The following NAALAD2 variants were observed in gnomAD, a reference collection of about 807,000 sequenced individuals.
NAALAD2 encodes the protein N-acetylated alpha-linked acidic dipeptidase 2, also known as N-acetylated-alpha-linked acidic dipeptidase 2.
Under a neutral mutation model 95.6 loss-of-function variants are expected in NAALAD2, and 89 were observed. That is an observed-to-expected ratio of 0.93 (90% CI 0.78 to 1.11). NAALAD2 has a LOEUF of 1.11. NAALAD2 is among the 50% of genes least tolerant of loss of function. NAALAD2 has a pLI of 0.00. For synonymous variants in NAALAD2, 264 were observed against 294.4 expected (o/e 0.90, Z 1.06); for missense variants, 894 against 872.4 (o/e 1.02, Z -0.31).
chr11:90,163,497 C>T (rs1191933407), intron 10 of NAALAD2, 38 bp from the exon 11 acceptor site: 1 of 1,612,688 alleles, frequency 6.2e-7, no homozygotes, highest in Non-Finnish European at 8.5e-7. Context: ...ATTTTTTAGG[C>T]AGTTGTACCT....
At chr11:90,149,727 C>T (rs1250046883) in intron 4 of NAALAD2, among the ~76,000 whole-genome samples, 7 of 152,018 alleles carry the variant, frequency 4.6e-5, no homozygotes, top group Non-Finnish European at 2.9e-5. Flanking sequence ...CGTGAGCTAC[C>T]GCTTCCGCCC....
In NAALAD2 at chr11:90,170,050, T is replaced by A; in HGVS notation, c.1343-19T>A. On this transcript the variant is annotated intron_variant, in intron 12 of 18. Coordinates refer to ENST00000534061, the MANE Select transcript of NAALAD2 (RefSeq NM_005467.4). Reference sequence around the variant, plus strand: ...TTTAGAAGTATGAAATAATACTCTGTGTCTTATTTATTTTTCAGGCAATTA... The same window carrying A: ...TTTAGAAGTATGAAATAATACTCTGAGTCTTATTTATTTTTCAGGCAATTA... 7.2e-7 allele frequency: 1 copy of A among 1,394,134 alleles called. No homozygotes were observed. Among genetic ancestry groups the A allele is most frequent in the Non-Finnish European group, 1.0e-6 (1 of 980,146 alleles). 86.4% of individuals were successfully genotyped at this position (1,394,134 alleles called of 1,614,324 possible). A position where few individuals can be genotyped will look rare whatever the true frequency, so the allele number is the denominator to read the frequency against.
chr11:90,167,727 A>G (rs2134937836), intron 11 of NAALAD2, among the ~76,000 whole-genome samples: 1 of 152,320 alleles, frequency 6.6e-6, no homozygotes, highest in Admixed American at 6.5e-5. Context: ...TGTCTAGCTC[A>G]GGGTTTGTGA....
chr11:90,171,520 TC>T (rs1952635056), intron 13 of NAALAD2, among the ~76,000 whole-genome samples: 1 of 152,142 alleles, frequency 6.6e-6, no homozygotes, highest in South Asian at 2.1e-4. Context: ...ATTTGTGCTG[TC>T]CTAGAGAGAT....
chr11:90,186,034 T>C (rs1196246929), intron 18 of NAALAD2, among the ~76,000 whole-genome samples: 1 of 152,126 alleles, frequency 6.6e-6, no homozygotes, highest in African/African-American at 2.4e-5. Context: ...TTTTTAAATT[T>C]ATTTATTATA....
Position 90,152,396 on chromosome 11 carries a change from G to C in NAALAD2, c.708G>C (p.Trp236Cys), listed in dbSNP as rs773038229. Residue 236 changes from tryptophan (W) to cysteine (C), a missense_variant, in exon 6 of 19, where the codon TGG (tryptophan) becomes TGC (cysteine). Physicochemically the swap from Trp to Cys is radical, Grantham distance 215. Coordinates refer to ENST00000534061, the MANE Select transcript of NAALAD2 (RefSeq NM_005467.4). ...AGGTACAGCCATATCCCAAAGGATG[G>C]AATCTTCCTGGAACTGCAGCCCAGA... ...APEVQPYPKG[W>C]NLPGTAAQRG... 2 of 1,613,788 alleles carry C rather than the reference G, an allele frequency of 1.2e-6. No individual in the cohort carries two copies. The highest frequency in any genetic ancestry group is 8.5e-7 in the Non-Finnish European group (1 of 1,179,874).
rs568953295 is a variant in NAALAD2 at position 90,159,164 on chromosome 11, T to G, written c.891-75T>G. ...ATTTGTTATATATATGAATGAAATA[T>G]TGTCATCAAACTTTAAAATTTCTCC... On this transcript the variant is annotated intron_variant, in intron 7 of 18. Coordinates refer to ENST00000534061, the MANE Select transcript of NAALAD2 (RefSeq NM_005467.4). 4.2e-5 allele frequency: 47 copies of G among 1,114,924 alleles called. No individual in the cohort carries two copies. The East Asian group carries it at 5.6e-4, about 13-fold the overall frequency. The allele number at this position is 1,114,924 out of a possible 1,614,324, so 69.1% of individuals were successfully genotyped here.
chr11:90,147,588 A>G, intron 3 of NAALAD2, 72 bp downstream of exon 3: 2 of 1,345,274 alleles, frequency 1.5e-6, no homozygotes, highest in East Asian at 2.3e-5. Flanking sequence ...TGTAGGGTCA[A>G]GTAAAAGTAG....
intron 17 of NAALAD2, 37 bp from the exon 18 acceptor site, chr11:90,182,879 G>C (rs368170290): frequency 1.5e-6 from 2 of 1,302,934 alleles, no homozygotes; most frequent in East Asian, 2.3e-5. Flanking sequence ...ATGATTCTGC[G>C]GTTTGCGTTA....
intron 17 of NAALAD2, 64 bp from the exon 18 acceptor site, chr11:90,182,852 A>C: frequency 9.2e-7 from 1 of 1,083,440 alleles, no homozygotes; most frequent in Non-Finnish European, 1.4e-6. Context: ...GTTTTTATTT[A>C]ATATTATTTT....
intron 15 of NAALAD2, 117 bp downstream of exon 15, chr11:90,176,179 A>C (rs1285568159): frequency 2.9e-6 from 2 of 692,248 alleles, no homozygotes; most frequent in Non-Finnish European, 5.0e-6. Context: ...AAGAGTTCCC[A>C]GGGATAGAGA....
At chr11:90,144,740 T>TTAAAAAAAAAAAA (rs1951707525) in intron 2 of NAALAD2, among the ~76,000 whole-genome samples, 1 of 90,930 alleles carries the variant, frequency 1.1e-5, no homozygotes, top group African/African-American at 4.9e-5. Flanking sequence ...AAAACTCCAT[T>TTAAAAAAAAAAAA]AAAAAAAAAA....
intron 6 of NAALAD2, among the ~76,000 whole-genome samples, chr11:90,155,353 TAC>T (rs1288305134): frequency 1.0e-5 from 1 of 95,898 alleles, no homozygotes; most frequent in South Asian, 3.2e-4. Flanking sequence ...TATTATATAT[TAC>T]ATGTATAATA....
At chr11:90,137,799 TTTG>T (rs544029888) in intron 2 of NAALAD2, among the ~76,000 whole-genome samples, 16 of 151,750 alleles carry the variant, frequency 1.1e-4, no homozygotes, top group South Asian at 4.2e-4. Flanking sequence ...TTTTATTTAT[TTTG>T]TTGTTGTTGT....
chr11:90,188,032 G>C (rs1857212673), intron 18 of NAALAD2, among the ~76,000 whole-genome samples: 4 of 152,126 alleles, frequency 2.6e-5, no homozygotes, highest in Admixed American at 2.6e-4. Flanking sequence ...GTGACATACA[G>C]AAAACGGAAA....
At position 90,167,969 on chromosome 11, in the gene NAALAD2, T is replaced by C. The variant is rs181349087; in HGVS notation, c.1279-960T>C. Among the ~76,000 whole-genome samples the C allele has an allele frequency of 2.8e-3, 427 of 152,292 alleles. 10 individuals carry two copies. Among genetic ancestry groups the C allele is most frequent in the Non-Finnish European group, 2.5e-4 (17 of 68,024 alleles). The stretch of plus-strand genomic sequence containing the variant: ...GCTGCCGGAGCAGCAGTGGCAACCC[T>C]CTGGGGTCTCCTTCCACGTTGTGAA... On this transcript the variant is annotated intron_variant, in intron 11 of 18. Coordinates refer to ENST00000534061, the MANE Select transcript of NAALAD2 (RefSeq NM_005467.4).
intron 17 of NAALAD2, among the ~76,000 whole-genome samples, chr11:90,182,348 A>G (rs1952999008): frequency 6.6e-6 from 1 of 152,108 alleles, no homozygotes; most frequent in Non-Finnish European, 1.5e-5. Context: ...ATATTGGAAG[A>G]AAGCTATTAT....
upstream of NAALAD2, among the ~76,000 whole-genome samples, chr11:90,133,871 G>A (rs558344949): frequency 7.2e-5 from 11 of 152,100 alleles, no homozygotes; most frequent in South Asian, 2.3e-3. Flanking sequence ...AGTAGTTCTG[G>A]ACTTTAGGCA....
rs1019646298 is a variant in NAALAD2, at chr11:90,171,150, A to G, written c.1410+1014A>G. ...AAAGGACTCTGAATCTCTAAAACTT[A>G]TATAATCTACTCATTTAATATCTGT... On this transcript the variant is annotated intron_variant, in intron 13 of 18. Coordinates refer to ENST00000534061, the MANE Select transcript of NAALAD2 (RefSeq NM_005467.4). Among the ~76,000 whole-genome samples, 11 of 152,366 alleles carry G rather than the reference A, an allele frequency of 7.2e-5. No individual in the cohort carries two copies. In the East Asian group the frequency reaches 2.1e-3, roughly 29 times the overall value.
Sources: gnomAD v4.1 joint callset for allele counts (sites outside exome capture counted in the v4.1 genomes callset) on GRCh38, gnomAD v4.1.1 for gene constraint, MANE v1.5 for transcripts, NCBI Gene and HGNC (gene_info 2026-07-23, HGNC 2026-07-21) for gene names.